The following DGKB variants were observed in gnomAD, a reference collection of about 807,000 sequenced individuals.
DGKB encodes 90 kDa diacylglycerol kinase.
A neutral mutation model predicts 114.3 loss-of-function variants in DGKB; 67 were observed. That is an observed-to-expected ratio of 0.59 (90% CI 0.48 to 0.72). The LOEUF is 0.72. DGKB is among the 30% of genes least tolerant of loss of function. The probability of loss-of-function intolerance (pLI) is 0.00; values close to 1 mark genes in which losing one functional copy is unlikely to be tolerated. For missense variants in DGKB, 907 were observed against 975.2 expected, an observed-to-expected ratio of 0.93 and a Z score of 0.93; for synonymous variants, 398 against 323.1, an observed-to-expected ratio of 1.23 and a Z score of -2.49.
At position 14,690,440 on chromosome 7, in the gene DGKB, A is replaced by G. The variant is rs113029722; in HGVS notation, c.711+3635T>C. Among the ~76,000 whole-genome samples the G allele has an allele frequency of 5.2e-3, 788 of 152,336 alleles. 8 individuals are homozygous for G. The highest frequency in any genetic ancestry group is 0.018 in the African/African-American group (746 of 41,568). On this transcript the variant is annotated intron_variant, in intron 9 of 25. Coordinates refer to ENST00000402815, the MANE Select transcript of DGKB (RefSeq NM_001350709.2). ...TGGTTGTCCGATTGTGCCAAGTAAAAGGTATTAGATTCCTTTCTTCCAAAT... is the reference window on the plus strand; with the variant it reads ...TGGTTGTCCGATTGTGCCAAGTAAAGGGTATTAGATTCCTTTCTTCCAAAT...
chr7:14,610,310 A>T (rs1413542117), intron 16 of DGKB, among the ~76,000 whole-genome samples: 1 of 152,078 alleles, frequency 6.6e-6, no homozygotes, highest in Non-Finnish European at 1.5e-5. Flanking sequence ...CGAAATGTTA[A>T]GCAGCAGCTA....
At chr7:14,628,541 T>C (rs914755131) in intron 14 of DGKB, among the ~76,000 whole-genome samples, 2 of 152,194 alleles carry the variant, frequency 1.3e-5, no homozygotes, top group African/African-American at 2.4e-5. Flanking sequence ...TCTGTCCTCA[T>C]AGAAAAGCCC....
At chr7:14,771,027 C>T (rs917515114) in intron 2 of DGKB, among the ~76,000 whole-genome samples, 2 of 151,994 alleles carry the variant, frequency 1.3e-5, no homozygotes, top group Non-Finnish European at 2.9e-5. Flanking sequence ...ACTCCTCACA[C>T]CTCCACTAAC....
chr7:14,297,962 C>A (rs1030998936), intron 23 of DGKB, among the ~76,000 whole-genome samples: 2 of 152,018 alleles, frequency 1.3e-5, no homozygotes, highest in African/African-American at 2.4e-5. Context: ...ACAATTGCTA[C>A]AAAGGGAATA....
intron 1 of DGKB, among the ~76,000 whole-genome samples, chr7:14,962,526 T>A (rs1177786498): frequency 6.6e-6 from 1 of 152,224 alleles, no homozygotes; most frequent in Admixed American, 6.5e-5. Flanking sequence ...TTTTGTCTCT[T>A]TCTTTTTACT....
At chr7:14,797,971 G>T (rs1161084278) in intron 2 of DGKB, among the ~76,000 whole-genome samples, 2 of 152,178 alleles carry the variant, frequency 1.3e-5, no homozygotes, top group Non-Finnish European at 2.9e-5. Context: ...TTGAGCAGCA[G>T]AAAGAAAGCT....
At chr7:14,241,957 T>TACACACACACACAC (rs71033980) in intron 23 of DGKB, among the ~76,000 whole-genome samples, 1 of 148,176 alleles carries the variant, frequency 6.7e-6, no homozygotes, top group African/African-American at 2.5e-5. Flanking sequence ...CACACACATA[T>TACACACACACACAC]ACACACACAC....
intron 2 of DGKB, among the ~76,000 whole-genome samples, chr7:14,796,014 T>A (rs1841359233): frequency 6.6e-6 from 1 of 152,264 alleles, no homozygotes; most frequent in Admixed American, 6.5e-5. Flanking sequence ...TTATCTCTAA[T>A]AGGAATTAAT....
intron 23 of DGKB, among the ~76,000 whole-genome samples, chr7:14,194,133 G>T (rs1784702315): frequency 6.6e-6 from 1 of 152,142 alleles, no homozygotes; most frequent in African/African-American, 2.4e-5. Context: ...ATGGAAAACA[G>T]TATGGAGGTT....
chr7:14,184,062 T>C (rs1783030252), intron 23 of DGKB, among the ~76,000 whole-genome samples: 2 of 152,096 alleles, frequency 1.3e-5, no homozygotes, highest in Non-Finnish European at 2.9e-5. Flanking sequence ...AGTTTCCGGC[T>C]TTACTTGGAG....
At chr7:14,967,652 T>TA (rs35965873) in intron 1 of DGKB, among the ~76,000 whole-genome samples, 15,016 of 100,738 alleles carry the variant, frequency 0.15, 1,317 homozygotes, top group African/African-American at 0.26. Flanking sequence ...TGTGATTTAT[T>TA]AAAAAAAAAA....
At chr7:14,364,744 A>G (rs981412249) in intron 21 of DGKB, among the ~76,000 whole-genome samples, 2 of 152,038 alleles carry the variant, frequency 1.3e-5, no homozygotes, top group African/African-American at 4.8e-5. Context: ...AGATTTAATC[A>G]TAGGAAATGG....
intron 1 of DGKB, among the ~76,000 whole-genome samples, chr7:14,969,397 C>T (rs141655155): frequency 6.6e-6 from 1 of 152,212 alleles, no homozygotes; most frequent in Non-Finnish European, 1.5e-5. Flanking sequence ...GTGTAAATGT[C>T]GTAACTGTAC....
chr7:14,244,054 GGAGA>G (rs34158469), intron 23 of DGKB, among the ~76,000 whole-genome samples: 3,470 of 150,554 alleles, frequency 0.023, 118 homozygotes, highest in African/African-American at 0.081. Flanking sequence ...AGAGAGAGAG[GGAGA>G]GAGAGAGAGA....
At chr7:14,483,655 A>C (rs1317193959) in intron 20 of DGKB, among the ~76,000 whole-genome samples, 1 of 152,152 alleles carries the variant, frequency 6.6e-6, no homozygotes, top group East Asian at 1.9e-4. Flanking sequence ...TTTTGAAAAT[A>C]TGATTAATAA....
At chr7:14,271,730 A>G (rs192396125) in intron 23 of DGKB, among the ~76,000 whole-genome samples, 38 of 152,258 alleles carry the variant, frequency 2.5e-4, no homozygotes, top group African/African-American at 9.1e-4. Context: ...CCAAACACAA[A>G]AGCTTTTAGT....
At chr7:14,793,683 T>C (rs889027402) in intron 2 of DGKB, among the ~76,000 whole-genome samples, 21 of 152,270 alleles carry the variant, frequency 1.4e-4, no homozygotes, top group Admixed American at 3.9e-4. Context: ...AGAAAAATTG[T>C]GATGAAATTA....
intron 1 of DGKB, among the ~76,000 whole-genome samples, chr7:14,883,528 A>T (rs1469941410): frequency 6.6e-6 from 1 of 152,022 alleles, no homozygotes; most frequent in African/African-American, 2.4e-5. Context: ...ACACATATAT[A>T]CATAGAGATA....
chr7:14,710,603 T>G (rs2128333324), intron 6 of DGKB, among the ~76,000 whole-genome samples: 1 of 152,270 alleles, frequency 6.6e-6, no homozygotes, highest in African/African-American at 2.4e-5. Context: ...AATATTTCAC[T>G]CTTAAATATA....
Sources: gnomAD v4.1 joint callset for allele counts (sites outside exome capture counted in the v4.1 genomes callset) on GRCh38, gnomAD v4.1.1 for gene constraint, MANE v1.5 for transcripts, NCBI Gene and HGNC (gene_info 2026-07-23, HGNC 2026-07-21) for gene names.